TRIM26: variants seen among roughly 807,000 people sequenced by gnomAD.
TRIM26 encodes tripartite motif containing 26.
TRIM26 carries 16 observed loss-of-function variants against 45.5 expected under a neutral mutation model. The ratio of observed to expected loss-of-function variants is 0.35; its 90% CI spans 0.24 to 0.53. TRIM26 has a LOEUF of 0.53. Among genes scored for constraint, TRIM26 ranks in the 20% least tolerant of loss-of-function variants. The pLI is 0.92. For missense variants in TRIM26, 442 were observed against 691.1 expected, an observed-to-expected ratio of 0.64 and a Z score of 4.04; for synonymous variants, 273 against 290.4, an observed-to-expected ratio of 0.94 and a Z score of 0.61.
In TRIM26 at chr6:30,189,958, C is replaced by T. The variant is rs746935280; in HGVS notation, c.788+55G>A. 1.9e-4 allele frequency: 300 copies of T among 1,606,424 alleles called. No individual in the cohort carries two copies. Among genetic ancestry groups the T allele is most frequent in the Admixed American group, 6.3e-4 (38 of 59,960 alleles). On this transcript the variant is annotated intron_variant, in intron 7 of 9. Coordinates refer to ENST00000454678, the MANE Select transcript of TRIM26 (RefSeq NM_003449.5). This position sits in a 1 kb window ranked among gnomAD's most constrained non-coding sequence, Gnocchi z 5.0. ...GAATTCAAATGCACCTGGTCAGAAGCGGGGGAACATAAACAAGGGGGATGA... is the reference window on the plus strand; with the variant it reads ...GAATTCAAATGCACCTGGTCAGAAGTGGGGGAACATAAACAAGGGGGATGA...
In TRIM26 at chr6:30,186,212, CTCCTCCTCTTCT is replaced by C; in HGVS notation, c.1272_1283del (p.Glu429_Glu432del). The C allele has an allele frequency of 6.3e-7, 1 of 1,595,764 alleles. No individual in the cohort carries two copies. The highest frequency in any genetic ancestry group is 8.5e-7 in the Non-Finnish European group (1 of 1,170,374). ...AGCTTTCCAGAACTTCCTCCTCTTC[CTCCTCCTCTTCT>C]TCCTCTTCATCGCCCAACGATTCCT... On this transcript the variant is annotated inframe_deletion, in exon 10 of 10. Coordinates refer to ENST00000454678, the MANE Select transcript of TRIM26 (RefSeq NM_003449.5). The surrounding 1 kb of genome is among the most constrained non-coding windows in gnomAD (Gnocchi z 7.4).
chr6:30,201,597 A>G (rs570491728), intron 2 of TRIM26, among the ~76,000 whole-genome samples: 87 of 152,252 alleles, frequency 5.7e-4, no homozygotes, highest in African/African-American at 2.0e-3. Context: ...TGTAATCCCA[A>G]CACTTTGGGA....
chr6:30,207,699 A>C lies in TRIM26; in HGVS notation c.-375-2934T>G, dbSNP rs978570022. On this transcript the variant is annotated intron_variant, in intron 1 of 9. Coordinates refer to ENST00000454678, the MANE Select transcript of TRIM26 (RefSeq NM_003449.5). This position sits in a 1 kb window ranked among gnomAD's most constrained non-coding sequence, Gnocchi z 4.9. ...TAATCATGGCCCAGCCTGTGTCTCC[A>C]GGCTCATTTCCTGCCACTCCCCACC... Among the ~76,000 whole-genome samples the C allele has an allele frequency of 6.6e-6, 1 of 152,166 alleles. No homozygotes were observed. The highest frequency in any genetic ancestry group is 6.5e-5 in the Admixed American group (1 of 15,272).
intron 9 of TRIM26, chr6:30,187,128 C>T: frequency 3.4e-6 from 1 of 293,952 alleles, no homozygotes; most frequent in South Asian, 3.4e-5. Flanking sequence ...GTTGCATGGA[C>T]TCTACCCCAA....
At chr6:30,208,600 T>C (rs192557474) in intron 1 of TRIM26, among the ~76,000 whole-genome samples, 5 of 152,022 alleles carry the variant, frequency 3.3e-5, no homozygotes. Flanking sequence ...TGAGCTGATT[T>C]TACTTAATTG....
rs1280244327 is a variant in TRIM26 at position 30,186,777 on chromosome 6, A to G, written c.938-219T>C. ...ATAACTAAACTGCTTTATAAACATG[A>G]TATACTGAAATTTAACTTGACTGTT... On this transcript the variant is annotated intron_variant, in intron 9 of 9. Transcript: ENST00000454678. This position sits in a 1 kb window ranked among gnomAD's most constrained non-coding sequence, Gnocchi z 7.4. 3 of 1,049,864 alleles carry G rather than the reference A, an allele frequency of 2.9e-6. No homozygotes were observed. In the Admixed American group the frequency reaches 6.5e-5, roughly 23 times the overall value. The allele number at this position is 1,049,864 out of a possible 1,614,324, so 65.0% of individuals were successfully genotyped here.
In TRIM26 at chr6:30,185,987, G is replaced by A. The variant is rs933605876; in HGVS notation, c.1509C>T (p.Thr503=). The change falls in exon 10 of 10, where the codon ACC becomes ACT. Residue 503 remains threonine (T), a synonymous_variant. Transcript: ENST00000454678. The surrounding 1 kb of genome is among the most constrained non-coding windows in gnomAD (Gnocchi z 5.7). ...AGATGAGTTCCTGTGACTCTGCGTTGGTGAAAGTCACGGTGCCCCCTTCAT... is the reference window on the plus strand; with the variant it reads ...AGATGAGTTCCTGTGACTCTGCGTTAGTGAAAGTCACGGTGCCCCCTTCAT... ...LDYEGGTVTF[T]NAESQELIYT... 6.8e-6 allele frequency: 11 copies of A among 1,612,452 alleles called. No individual in the cohort carries two copies. Among genetic ancestry groups the A allele is most frequent in the Non-Finnish European group, 9.3e-6 (11 of 1,179,784 alleles).
At chr6:30,191,573 C>T (rs562879658) in intron 6 of TRIM26, among the ~76,000 whole-genome samples, 159 of 152,092 alleles carry the variant, frequency 1.0e-3, no homozygotes, top group Middle Eastern at 0.01. Flanking sequence ...GAGCAGGGGC[C>T]GGTGGGGTGC....
At chr6:30,193,182 A>ATATATATTTT (rs9280916) in intron 6 of TRIM26, among the ~76,000 whole-genome samples, 3 of 38,818 alleles carry the variant, frequency 7.7e-5, no homozygotes, top group East Asian at 7.5e-4. Context: ...ATATATATAT[A>ATATATATTTT]TTTTTTTTTT....
At chr6:30,199,761 C>T (rs1375547587) in intron 3 of TRIM26, among the ~76,000 whole-genome samples, 8 of 151,972 alleles carry the variant, frequency 5.3e-5, no homozygotes, top group Non-Finnish European at 7.4e-5. Context: ...CTCAGCCTCC[C>T]GAGTAGCTGG....
In TRIM26 at chr6:30,196,415, C is replaced by G; in HGVS notation, c.765+101G>C. The stretch of plus-strand genomic sequence containing the variant: ...ATTATCATCTCCATGTTTCAGATGA[C>G]AAAACTGAGCCCCCAAGTCTTCTAA... On this transcript the variant is annotated intron_variant, in intron 6 of 9. Coordinates refer to ENST00000454678, the MANE Select transcript of TRIM26 (RefSeq NM_003449.5). This position sits in a 1 kb window ranked among gnomAD's most constrained non-coding sequence, Gnocchi z 4.9. 1 of 1,173,818 alleles carries G rather than the reference C, an allele frequency of 8.5e-7. No homozygotes were observed. The highest frequency in any genetic ancestry group is 1.2e-6 in the Non-Finnish European group (1 of 830,346). 72.7% of individuals were successfully genotyped at this position (1,173,818 alleles called of 1,614,324 possible). A position where few individuals can be genotyped will look rare whatever the true frequency, so the allele number is the denominator to read the frequency against.
chr6:30,194,154 C>G (rs1358794940), intron 6 of TRIM26, among the ~76,000 whole-genome samples: 3 of 152,120 alleles, frequency 2.0e-5, no homozygotes, highest in Non-Finnish European at 4.4e-5. Flanking sequence ...TATTGTGGCA[C>G]TATTCACAAT....
chr6:30,209,249 C>G lies in TRIM26; in HGVS notation c.-376+4056G>C, dbSNP rs1367918928. ...ATCAAATTTGAGACACCTGTGACATCACATTTTAGCATCTCTGAAATGTGA... is the reference window on the plus strand; with the variant it reads ...ATCAAATTTGAGACACCTGTGACATGACATTTTAGCATCTCTGAAATGTGA... On this transcript the variant is annotated intron_variant, in intron 1 of 9. Coordinates refer to ENST00000454678, the MANE Select transcript of TRIM26 (RefSeq NM_003449.5). The surrounding 1 kb of genome is among the most constrained non-coding windows in gnomAD (Gnocchi z 4.8). 6.6e-6 allele frequency among the ~76,000 whole-genome samples: 1 copy of G among 152,132 alleles called. No individual in the cohort carries two copies. The highest frequency in any genetic ancestry group is 1.5e-5 in the Non-Finnish European group (1 of 68,032).
At chr6:30,188,752 T>C in intron 9 of TRIM26, 1 of 206,084 alleles carries the variant, frequency 4.9e-6, no homozygotes, top group Non-Finnish European at 9.8e-6. Flanking sequence ...GTATGCAGTG[T>C]ACAACCTAAC....
chr6:30,185,732 C>G lies in TRIM26; in HGVS notation c.*144G>C. 3.4e-6 allele frequency: 3 copies of G among 888,596 alleles called. No individual in the cohort carries two copies. Among genetic ancestry groups the G allele is most frequent in the Middle Eastern group, 2.3e-4 (1 of 4,442 alleles). 55.0% of individuals were successfully genotyped at this position (888,596 alleles called of 1,614,324 possible). A position where few individuals can be genotyped will look rare whatever the true frequency, so the allele number is the denominator to read the frequency against. On this transcript the variant is annotated 3_prime_UTR_variant, in exon 10 of 10. Coordinates refer to ENST00000454678, the MANE Select transcript of TRIM26 (RefSeq NM_003449.5). This position sits in a 1 kb window ranked among gnomAD's most constrained non-coding sequence, Gnocchi z 5.7. The stretch of plus-strand genomic sequence containing the variant: ...CACTGAGTGAGATTTCAGGGGGCCA[C>G]AGCAATGGGGAGGTGGCTACCAGTG...
At position 30,186,574 on chromosome 6, in the gene TRIM26, A is replaced by C. The variant is rs61285697; in HGVS notation, c.938-16T>G. The C allele has an allele frequency of 3.9e-5, 36 of 934,070 alleles. No homozygotes were observed. The highest frequency in any genetic ancestry group is 5.0e-5 in the Non-Finnish European group (35 of 702,478). The allele number at this position is 934,070 out of a possible 1,614,324, so 57.9% of individuals were successfully genotyped here. On this transcript the variant is annotated splice_polypyrimidine_tract_variant and intron_variant, in intron 9 of 9. Transcript: ENST00000454678. This position sits in a 1 kb window ranked among gnomAD's most constrained non-coding sequence, Gnocchi z 7.4. The stretch of plus-strand genomic sequence containing the variant: ...GTGACGCTCACTGTGGGGACAAGGG[A>C]AAAAAAAAAAAACAGCATCACTGTT...
At chr6:30,205,110 G>T (rs370252764) in intron 1 of TRIM26, among the ~76,000 whole-genome samples, 1 of 152,002 alleles carries the variant, frequency 6.6e-6, no homozygotes, top group Non-Finnish European at 1.5e-5. Flanking sequence ...GTGTGGTGGC[G>T]CATGCCTATA....
At chr6:30,193,127 TATAC>T (rs879595943) in intron 6 of TRIM26, among the ~76,000 whole-genome samples, 7,845 of 70,954 alleles carry the variant, frequency 0.11, 474 homozygotes, top group Non-Finnish European at 0.15. Flanking sequence ...TGTATATATA[TATAC>T]ATATATGTGT....
intron 6 of TRIM26, among the ~76,000 whole-genome samples, chr6:30,194,235 T>C (rs1328518703): frequency 6.6e-6 from 1 of 151,664 alleles, no homozygotes; most frequent in East Asian, 1.9e-4. Context: ...ATATACACAA[T>C]GGAGTACTAT....
Sources: gnomAD v4.1 joint callset for allele counts (sites outside exome capture counted in the v4.1 genomes callset) on GRCh38, gnomAD v4.1.1 for gene constraint, Gnocchi (gnomAD v3.1) non-coding constraint, MANE v1.5 for transcripts, NCBI Gene and HGNC (gene_info 2026-07-23, HGNC 2026-07-21) for gene names.